NTRK2: variants seen among roughly 807,000 people sequenced by gnomAD.
NTRK2 encodes BDNF/NT-3 growth factors receptor.
In NTRK2, 13 loss-of-function variants were observed where a neutral mutation model predicts 94.5. The ratio of observed to expected loss-of-function variants is 0.14; its 90% confidence interval spans 0.09 to 0.22. The LOEUF is 0.22. Among genes scored for constraint, NTRK2 ranks in the 10% least tolerant of loss-of-function variants. The pLI is 1.00. For synonymous variants in NTRK2, 372 were observed against 407.4 expected, an observed-to-expected ratio of 0.91 and a Z score of 1.05; for missense variants, 639 against 1,071.2, an observed-to-expected ratio of 0.60 and a Z score of 5.63.
chr9:84,852,714 C>G (rs1034616410), intron 12 of NTRK2, among the ~76,000 whole-genome samples: 5 of 152,152 alleles, frequency 3.3e-5, no homozygotes, highest in African/African-American at 1.2e-4. Flanking sequence ...CACTAAACTG[C>G]TTTTGAAATA....
At chr9:84,926,726 G>A (rs757615487) in intron 14 of NTRK2, among the ~76,000 whole-genome samples, 45 of 151,314 alleles carry the variant, frequency 3.0e-4, no homozygotes, top group Admixed American at 1.8e-3. Context: ...TTACATGTTC[G>A]TGTTATTATT....
chr9:84,682,979 G>A (rs2059486994), intron 2 of NTRK2, among the ~76,000 whole-genome samples: 1 of 152,104 alleles, frequency 6.6e-6, no homozygotes, highest in South Asian at 2.1e-4. Context: ...TCCTCACATG[G>A]CAGAAGGCAC....
chr9:84,979,702 C>A (rs1231552902), intron 17 of NTRK2, among the ~76,000 whole-genome samples: 1 of 152,158 alleles, frequency 6.6e-6, no homozygotes, highest in Non-Finnish European at 1.5e-5. Flanking sequence ...ACAGAGAAAT[C>A]TTTTGTGAAA....
chr9:84,683,694 G>A (rs919587578), intron 2 of NTRK2, among the ~76,000 whole-genome samples: 4 of 152,008 alleles, frequency 2.6e-5, no homozygotes, highest in Admixed American at 6.6e-5. Flanking sequence ...ATAATCTTTG[G>A]GTATATACCC....
chr9:84,882,173 A>T (rs1475660313), intron 14 of NTRK2, among the ~76,000 whole-genome samples: 4 of 150,558 alleles, frequency 2.7e-5, no homozygotes, highest in African/African-American at 9.9e-5. Context: ...CCATCAAGCC[A>T]GGCTTCTTTC....
chr9:84,858,870 G>T (rs1356930465), intron 12 of NTRK2, among the ~76,000 whole-genome samples: 1 of 151,722 alleles, frequency 6.6e-6, no homozygotes, highest in Non-Finnish European at 1.5e-5. Context: ...AACTAAAAAA[G>T]AATGAAAAAA....
intron 14 of NTRK2, chr9:84,877,491 C>T (rs1403372189): frequency 1.9e-6 from 2 of 1,066,196 alleles, no homozygotes; most frequent in Non-Finnish European, 1.1e-6. Flanking sequence ...CTGTGTATTA[C>T]TGTGATTCTC....
intron 12 of NTRK2, among the ~76,000 whole-genome samples, chr9:84,850,347 A>G (rs893663163): frequency 6.6e-6 from 1 of 152,224 alleles, no homozygotes; most frequent in Admixed American, 6.5e-5. Flanking sequence ...TCTTGCATCC[A>G]TCAGGTGATC....
intron 17 of NTRK2, among the ~76,000 whole-genome samples, chr9:85,006,513 T>C (rs763838832): frequency 2.0e-5 from 3 of 149,800 alleles, no homozygotes; most frequent in Non-Finnish European, 2.9e-5. Flanking sequence ...GGAAATTCTG[T>C]TGGGGTGACA....
intron 13 of NTRK2, 74 bp downstream of exon 13, chr9:84,861,161 C>A: frequency 8.8e-7 from 1 of 1,130,490 alleles, no homozygotes; most frequent in Non-Finnish European, 1.3e-6. Context: ...ATGCTTAGAC[C>A]CTCTTTACAT....
rs1440338055 is a variant in NTRK2, at chr9:84,944,215, T to TCTCTCACA, written c.1765-4246_1765-4245insTCTCACAC. Among the ~76,000 whole-genome samples, 560 of 120,326 alleles carry TCTCTCACA rather than the reference T, an allele frequency of 4.7e-3. 3 individuals are homozygous for TCTCTCACA. The highest frequency in any genetic ancestry group is 6.1e-3 in the Non-Finnish European group (365 of 59,776). The allele number at this position is 120,326 out of a possible 152,430, so 78.9% of individuals were successfully genotyped here. On this transcript the variant is annotated intron_variant, in intron 15 of 18. Coordinates refer to ENST00000277120, the MANE Select transcript of NTRK2 (RefSeq NM_006180.6). ...TGTTCTCTCTCTCTCTCTCTCTCTCTCACACACACACACACACACACACAC... is the reference window on the plus strand; with the variant it reads ...TGTTCTCTCTCTCTCTCTCTCTCTCTCTCTCACACACACACACACACACACACACACAC...
At chr9:84,671,230 G>A (rs1339818516) in intron 2 of NTRK2, among the ~76,000 whole-genome samples, 1 of 152,146 alleles carries the variant, frequency 6.6e-6, no homozygotes, top group African/African-American at 2.4e-5. Flanking sequence ...AACTCACTAT[G>A]CTTTTTATAT....
At chr9:84,849,949 G>T (rs887938919) in intron 12 of NTRK2, among the ~76,000 whole-genome samples, 2 of 152,118 alleles carry the variant, frequency 1.3e-5, no homozygotes, top group African/African-American at 4.8e-5. Context: ...AAGAGAGTAC[G>T]GAGTTGAATA....
intron 12 of NTRK2, among the ~76,000 whole-genome samples, chr9:84,829,094 G>T (rs565869100): frequency 1.3e-5 from 2 of 152,166 alleles, no homozygotes; most frequent in Admixed American, 1.3e-4. Flanking sequence ...TGCCTCCCAG[G>T]TTTAAGCAAT....
intron 14 of NTRK2, among the ~76,000 whole-genome samples, chr9:84,901,797 T>TG (rs2076938053): frequency 6.6e-6 from 1 of 152,196 alleles, no homozygotes; most frequent in African/African-American, 2.4e-5. Context: ...GTCTAGACCA[T>TG]AATTCCCTCT....
Position 85,021,690 on chromosome 9 carries a change from A to C in NTRK2, c.*253A>C. The C allele has an allele frequency of 3.9e-6, 2 of 508,960 alleles. No individual in the cohort carries two copies. Among genetic ancestry groups the C allele is most frequent in the Non-Finnish European group, 3.4e-6 (1 of 291,642 alleles). The allele number at this position is 508,960 out of a possible 1,614,324, so 31.5% of individuals were successfully genotyped here. A position where few individuals can be genotyped will look rare whatever the true frequency, so the allele number is the denominator to read the frequency against. On this transcript the variant is annotated 3_prime_UTR_variant, in exon 19 of 19. Coordinates refer to ENST00000277120, the MANE Select transcript of NTRK2 (RefSeq NM_006180.6). ...TTGGTTGTTCCTTTTTCTTTTTTTA[A>C]ATTTTCTTTTTCTTTTTTTTTTCGT...
chr9:84,945,794 T>A (rs1262841271), intron 15 of NTRK2, among the ~76,000 whole-genome samples: 1 of 152,222 alleles, frequency 6.6e-6, no homozygotes, highest in Non-Finnish European at 1.5e-5. Context: ...TTATGGCCCC[T>A]GAGCACTTGC....
chr9:84,773,980 C>T (rs1173361371), intron 12 of NTRK2, among the ~76,000 whole-genome samples: 1 of 152,166 alleles, frequency 6.6e-6, no homozygotes, highest in Admixed American at 6.5e-5. Flanking sequence ...AGGTTTGTGG[C>T]TCCTAACGTC....
At chr9:84,749,228 CA>C (rs34920308) in intron 11 of NTRK2, among the ~76,000 whole-genome samples, 110 of 139,014 alleles carry the variant, frequency 7.9e-4, no homozygotes, top group Middle Eastern at 7.2e-3. Flanking sequence ...AACTCCGTCT[CA>C]AAAAAAAAAA....
Sources: allele counts gnomAD v4.1 joint callset (sites outside exome capture counted in the v4.1 genomes callset), GRCh38; gene constraint gnomAD v4.1.1; transcripts MANE v1.5; gene names NCBI Gene and HGNC (gene_info 2026-07-23, HGNC 2026-07-21).